Variants in METTL24 observed in about 807,000 individuals in gnomAD.
METTL24 encodes methyltransferase like 24.
In METTL24, 29 loss-of-function variants were observed where a neutral mutation model predicts 32.7. That is an observed-to-expected ratio of 0.89 (90% confidence interval 0.66 to 1.21). The LOEUF (loss-of-function observed/expected upper bound fraction) is 1.21. Ranked by LOEUF, METTL24 falls within the 50% of genes most tolerant of loss-of-function variation. The probability of loss-of-function intolerance (pLI) is 0.00; values close to 1 mark genes in which losing one functional copy is unlikely to be tolerated. For missense variants in METTL24, 439 were observed against 468.1 expected, an observed-to-expected ratio of 0.94 and a Z score of 0.57; for synonymous variants, 163 against 179.5, an observed-to-expected ratio of 0.91 and a Z score of 0.73.
rs149579136 is a variant in METTL24, at chr6:110,302,647, GTA to G, written c.558-3499_558-3498del. On this transcript the variant is annotated intron_variant, in intron 3 of 4. Transcript: ENST00000338882. ...TATACACATATACACACACATATGT[GTA>G]TATATATACACATATACACACACAT... Among the ~76,000 whole-genome samples the G allele has an allele frequency of 1.1e-3, 99 of 92,226 alleles. 14 individuals are homozygous for G. The highest frequency in any genetic ancestry group is 1.9e-3 in the African/African-American group (19 of 10,254). The allele number at this position is 92,226 out of a possible 152,430, so 60.5% of individuals were successfully genotyped here.
chr6:110,248,268 C>T (rs1483524401), intron 4 of METTL24, among the ~76,000 whole-genome samples: 2 of 152,162 alleles, frequency 1.3e-5, no homozygotes, highest in African/African-American at 4.8e-5. Context: ...TTTATAGCAA[C>T]ACAAGAACAG....
chr6:110,321,793 C>A (rs1188018701), intron 2 of METTL24, among the ~76,000 whole-genome samples: 1 of 152,116 alleles, frequency 6.6e-6, no homozygotes, highest in Non-Finnish European at 1.5e-5. Context: ...TTTCTTTTAC[C>A]CCTAAACTAA....
At chr6:110,331,659 CAAAAAAAAAAAA>C (rs59304999) in intron 1 of METTL24, among the ~76,000 whole-genome samples, 3 of 58,860 alleles carry the variant, frequency 5.1e-5, no homozygotes, top group Non-Finnish European at 1.1e-4. Context: ...GACCCTGCCT[CAAAAAAAAAAAA>C]AAAAAAAAAG....
intron 3 of METTL24, among the ~76,000 whole-genome samples, chr6:110,306,219 T>C (rs1582414785): frequency 6.6e-6 from 1 of 151,938 alleles, no homozygotes; most frequent in African/African-American, 2.4e-5. Context: ...GACGGGTTGA[T>C]GGGTGCAGCA....
At chr6:110,334,882 A>G in intron 1 of METTL24, among the ~76,000 whole-genome samples, 1 of 152,234 alleles carries the variant, frequency 6.6e-6, no homozygotes. Flanking sequence ...ACAATTACAG[A>G]TAACGCTCTG....
chr6:110,338,868 C>A (rs1772292207), intron 1 of METTL24, among the ~76,000 whole-genome samples: 1 of 152,106 alleles, frequency 6.6e-6, no homozygotes, highest in Non-Finnish European at 1.5e-5. Context: ...AACCTTGCAA[C>A]TATCGATATT....
chr6:110,292,564 T>C (rs964115214), intron 4 of METTL24, among the ~76,000 whole-genome samples: 1 of 152,150 alleles, frequency 6.6e-6, no homozygotes, highest in Admixed American at 6.5e-5. Flanking sequence ...CCGGTGAAAT[T>C]AACTCTCTAC....
At chr6:110,259,302 G>A (rs1582384528) in intron 4 of METTL24, among the ~76,000 whole-genome samples, 3 of 152,304 alleles carry the variant, frequency 2.0e-5, no homozygotes, top group South Asian at 2.1e-4. Context: ...TTAGCAAACG[G>A]CACACCAGGA....
intron 3 of METTL24, among the ~76,000 whole-genome samples, chr6:110,309,199 T>G (rs1263209912): frequency 6.6e-6 from 1 of 152,132 alleles, no homozygotes; most frequent in Non-Finnish European, 1.5e-5. Flanking sequence ...ACCCTCCCAT[T>G]GAAGGCAGAG....
intron 4 of METTL24, among the ~76,000 whole-genome samples, chr6:110,291,599 A>C (rs111364680): frequency 0.014 from 2,094 of 152,190 alleles, 59 homozygotes; most frequent in African/African-American, 0.047. Flanking sequence ...ATATAGATAA[A>C]CCTGTACCAT....
At chr6:110,313,360 TTA>T (rs1211994860) in intron 3 of METTL24, among the ~76,000 whole-genome samples, 1 of 152,224 alleles carries the variant, frequency 6.6e-6, no homozygotes, top group Admixed American at 6.5e-5. Context: ...TGTACAAATA[TTA>T]TGTGTCAATA....
chr6:110,340,171 C>T (rs767611712), intron 1 of METTL24, among the ~76,000 whole-genome samples: 15 of 151,598 alleles, frequency 9.9e-5, no homozygotes, highest in South Asian at 2.1e-4. Flanking sequence ...GAGTCCAGGG[C>T]GCTCACACAT....
chr6:110,350,447 C>G (rs1020928459), intron 1 of METTL24, among the ~76,000 whole-genome samples: 14 of 151,894 alleles, frequency 9.2e-5, no homozygotes, highest in Admixed American at 2.6e-4. Flanking sequence ...TCCAGGCTAG[C>G]CAGTTGCAAG....
chr6:110,358,309 C>T lies in METTL24; in HGVS notation c.-37G>A, dbSNP rs1237768587. 9 of 1,401,182 alleles carry T rather than the reference C, an allele frequency of 6.4e-6. No homozygotes were observed. The African/African-American group carries it at 9.1e-5, about 14-fold the overall frequency. 86.8% of individuals were successfully genotyped at this position (1,401,182 alleles called of 1,614,324 possible). A position where few individuals can be genotyped will look rare whatever the true frequency, so the allele number is the denominator to read the frequency against. Reference sequence around the variant, plus strand: ...CGGGGTCCCGCGGGCCGCGCCTGGCCGGCAGCAGGGATGTAGCCCCACAGG... The same window carrying T: ...CGGGGTCCCGCGGGCCGCGCCTGGCTGGCAGCAGGGATGTAGCCCCACAGG... On this transcript the variant is annotated 5_prime_UTR_variant, in exon 1 of 5. Coordinates refer to ENST00000338882, the MANE Select transcript of METTL24 (RefSeq NM_001123364.3).
intron 4 of METTL24, among the ~76,000 whole-genome samples, chr6:110,285,954 C>T (rs1188406602): frequency 1.3e-5 from 2 of 152,224 alleles, no homozygotes; most frequent in African/African-American, 2.4e-5. Flanking sequence ...TGTAATAATA[C>T]CGGGCCCTTT....
chr6:110,330,742 C>T (rs1772097709), intron 1 of METTL24, among the ~76,000 whole-genome samples: 1 of 152,328 alleles, frequency 6.6e-6, no homozygotes, highest in Middle Eastern at 3.4e-3. Flanking sequence ...TTACAACCCA[C>T]AGGAGGCTGG....
chr6:110,328,230 C>T (rs796750310), intron 1 of METTL24, among the ~76,000 whole-genome samples: 4 of 151,554 alleles, frequency 2.6e-5, no homozygotes, highest in Admixed American at 6.6e-5. Flanking sequence ...TCAGGGCAGG[C>T]GTGGTCCTGA....
intron 4 of METTL24, among the ~76,000 whole-genome samples, chr6:110,251,042 TA>T (rs1778268469): frequency 6.6e-6 from 1 of 152,212 alleles, no homozygotes; most frequent in African/African-American, 2.4e-5. Context: ...CAACACCTTT[TA>T]AGTAAAGCCT....
Position 110,315,671 on chromosome 6 carries a change from T to G in METTL24, c.418-190A>C, listed in dbSNP as rs76367172. 0.021 allele frequency among the ~76,000 whole-genome samples: 3,200 copies of G among 152,248 alleles called. 118 individuals carry two copies. Among genetic ancestry groups the G allele is most frequent in the African/African-American group, 0.074 (3,067 of 41,536 alleles). On this transcript the variant is annotated intron_variant, in intron 2 of 4. Transcript: ENST00000338882. ...GTTTGGAGAAATTTCAATTACTAGA[T>G]AATAAGTAATCTCATGGAGACTATA...
Sources: gnomAD v4.1 joint callset for allele counts (sites outside exome capture counted in the v4.1 genomes callset) on GRCh38, gnomAD v4.1.1 for gene constraint, MANE v1.5 for transcripts, NCBI Gene and HGNC (gene_info 2026-07-23, HGNC 2026-07-21) for gene names.